EIF2A: variants seen among roughly 807,000 people sequenced by gnomAD.
The protein encoded by EIF2A is 65 kDa eukaryotic translation initiation factor 2A.
Under a neutral mutation model 75.2 loss-of-function variants are expected in EIF2A, and 62 were observed. The observed-to-expected ratio is 0.82, with a 90% confidence interval of 0.67 to 1.02. The LOEUF (loss-of-function observed/expected upper bound fraction) is 1.02, where lower values mean the gene tolerates loss of function less well. Ranked by LOEUF, EIF2A falls within the 50% of genes least tolerant of loss-of-function variation. The pLI, the probability that EIF2A is intolerant of heterozygous loss-of-function variation, is 0.00. For synonymous variants in EIF2A, 207 were observed against 239.0 expected (o/e 0.87, Z 1.23); for missense variants, 611 against 677.7 (o/e 0.90, Z 1.09).
In EIF2A at chr3:150,584,176, A is replaced by G. The variant is rs1018748159; in HGVS notation, c.*265A>G. The G allele has an allele frequency of 1.8e-5, 6 of 325,384 alleles. No individual in the cohort carries two copies. Among genetic ancestry groups the G allele is most frequent in the African/African-American group, 1.3e-4 (6 of 46,648 alleles). The allele number at this position is 325,384 out of a possible 1,614,324, so 20.2% of individuals were successfully genotyped here. ...AGCTAAGCTTGACAGATTGAAAGAC[A>G]AGTGTCATTTTTTTTTGTAGAGGGT... On this transcript the variant is annotated 3_prime_UTR_variant, in exon 14 of 14. Transcript: ENST00000460851.
At chr3:150,564,214 T>C (rs567628711) in intron 5 of EIF2A, 85 bp from the exon 6 acceptor site, 1 of 993,498 alleles carries the variant, frequency 1.0e-6, no homozygotes, top group East Asian at 2.7e-5. Context: ...TGGTAACCAA[T>C]ATCATAAATT....
At chr3:150,580,265 G>A (rs1259779590) in intron 11 of EIF2A, among the ~76,000 whole-genome samples, 1 of 152,140 alleles carries the variant, frequency 6.6e-6, no homozygotes, top group Non-Finnish European at 1.5e-5. Flanking sequence ...ACAATATATA[G>A]TAGTCTCCCT....
intron 12 of EIF2A, 27 bp from the exon 13 acceptor site, chr3:150,583,173 C>A: frequency 1.9e-6 from 3 of 1,604,320 alleles, no homozygotes; most frequent in Non-Finnish European, 1.7e-6. Context: ...TTCTTCCATG[C>A]TCTTGACTCA....
rs774601219 is a variant in EIF2A, at chr3:150,557,191, C to T, written c.99-1197C>T. Among the ~76,000 whole-genome samples, 31 of 151,918 alleles carry T rather than the reference C, an allele frequency of 2.0e-4. 1 individual carries two copies. Among genetic ancestry groups the T allele is most frequent in the South Asian group, 1.0e-3 (5 of 4,810 alleles). On this transcript the variant is annotated intron_variant, in intron 2 of 13. Transcript: ENST00000460851. ...TTATAATTTATATATTACATACTTC[C>T]GTATGTAATGTAAGGACTGACTAAT... is the stretch of plus-strand genomic sequence containing the variant.
chr3:150,564,274 C>CTTTT, intron 5 of EIF2A, 25 bp from the exon 6 acceptor site: 2 of 1,135,658 alleles, frequency 1.8e-6, no homozygotes, highest in South Asian at 1.7e-5. Context: ...ATTTTTTATA[C>CTTTT]TTTTTTTTTT....
chr3:150,573,832 A>T (rs1325861453), intron 10 of EIF2A, among the ~76,000 whole-genome samples: 2 of 152,194 alleles, frequency 1.3e-5, no homozygotes, highest in African/African-American at 2.4e-5. Context: ...CTCACAGAAA[A>T]AAGTTTTTTA....
At chr3:150,573,121 T>C (rs1449266489) in intron 10 of EIF2A, among the ~76,000 whole-genome samples, 1 of 152,202 alleles carries the variant, frequency 6.6e-6, no homozygotes, top group Non-Finnish European at 1.5e-5. Context: ...CTCCAACCCA[T>C]CCTGCTTTCT....
At chr3:150,572,781 G>T (rs539910619) in intron 10 of EIF2A, among the ~76,000 whole-genome samples, 1 of 151,568 alleles carries the variant, frequency 6.6e-6, no homozygotes, top group Non-Finnish European at 1.5e-5. Flanking sequence ...ACTTGAACCC[G>T]GGAGGTGGAG....
At chr3:150,562,487 T>G in intron 3 of EIF2A, 55 bp from the exon 4 acceptor site, 1 of 1,332,464 alleles carries the variant, frequency 7.5e-7, no homozygotes, top group Non-Finnish European at 1.1e-6. Flanking sequence ...TTTTGGTTAG[T>G]GTTGACTACT....
rs948475433 is a variant in EIF2A, at chr3:150,571,243, G to A, written c.812-715G>A. Among the ~76,000 whole-genome samples the A allele has an allele frequency of 8.6e-5, 13 of 151,576 alleles. No homozygotes were observed. In the South Asian group the frequency reaches 1.5e-3, roughly 17 times the overall value. ...CAACCTCTGCCTCCCAGGTTCAAGCGCTTCTCCTGCCTCAGCCTCCTGAGT... is the reference window on the plus strand; with the variant it reads ...CAACCTCTGCCTCCCAGGTTCAAGCACTTCTCCTGCCTCAGCCTCCTGAGT... On this transcript the variant is annotated intron_variant, in intron 9 of 13. Transcript: ENST00000460851.
intron 6 of EIF2A, 160 bp from the exon 7 acceptor site, chr3:150,567,533 C>T: frequency 1.7e-6 from 1 of 574,876 alleles, no homozygotes; most frequent in East Asian, 3.0e-5. Flanking sequence ...CTTGCTCCTA[C>T]CCCATGCTTT....
rs1724301306 is a variant in EIF2A at position 150,568,276 on chromosome 3, T to C, written c.795T>C (p.Ser265=). Residue 265 remains serine, a synonymous_variant, in exon 9 of 14, where the codon AGT becomes AGC. Transcript: ENST00000460851. The stretch of plus-strand genomic sequence containing the variant: ...ACTACATTGCAACAAATGGAGAAAG[T>C]GCTGTAGTGCAATTACGTGAGTATT... ...TLHYIATNGE[S]AVVQLPKNGP... 6.2e-7 allele frequency: 1 copy of C among 1,611,732 alleles called. No individual in the cohort carries two copies. The highest frequency in any genetic ancestry group is 8.5e-7 in the Non-Finnish European group (1 of 1,179,274).
intron 9 of EIF2A, among the ~76,000 whole-genome samples, chr3:150,569,776 C>A (rs180941612): frequency 6.6e-6 from 1 of 151,958 alleles, no homozygotes; most frequent in Non-Finnish European, 1.5e-5. Flanking sequence ...GATCGTGCCA[C>A]CGCACTCCAG....
At chr3:150,564,274 C>CTTT (rs147595145) in intron 5 of EIF2A, 25 bp from the exon 6 acceptor site, 26 of 1,135,416 alleles carry the variant, frequency 2.3e-5, no homozygotes, top group South Asian at 6.8e-5. Flanking sequence ...ATTTTTTATA[C>CTTT]TTTTTTTTTT....
Position 150,572,548 on chromosome 3 carries a change from C to G in EIF2A, c.1383+19C>G, listed in dbSNP as rs758381072. The G allele has an allele frequency of 6.3e-7, 1 of 1,576,820 alleles. No individual in the cohort carries two copies. The highest frequency in any genetic ancestry group is 8.6e-7 in the Non-Finnish European group (1 of 1,163,548). On this transcript the variant is annotated intron_variant, in intron 10 of 13. Transcript: ENST00000460851. ...CAAATTGGTAAGTAAAGTTTTACTA[C>G]TTTTATAGAAAAAAGTTTATTTTGG...
chr3:150,554,786 C>G (rs925375019), intron 2 of EIF2A, among the ~76,000 whole-genome samples: 1 of 152,164 alleles, frequency 6.6e-6, no homozygotes, highest in Non-Finnish European at 1.5e-5. Context: ...AGGCCCAGTT[C>G]TCTAGAACCT....
intron 6 of EIF2A, chr3:150,566,988 C>G (rs1335991878): frequency 6.6e-6 from 1 of 152,176 alleles, no homozygotes; most frequent in African/African-American, 2.4e-5. Flanking sequence ...GCACTGTCAC[C>G]TCACTGTTTC....
In EIF2A at chr3:150,571,946, T is replaced by C; in HGVS notation, c.812-12T>C. On this transcript the variant is annotated splice_polypyrimidine_tract_variant and intron_variant, in intron 9 of 13. Transcript: ENST00000460851. ...CTTTATTGCTAATTTGGGCTTTATA[T>C]TCTTTTTCTAGCAAAAAATGGCCCC... The C allele has an allele frequency of 6.3e-7, 1 of 1,591,258 alleles. No individual in the cohort carries two copies. Among genetic ancestry groups the C allele is most frequent in the South Asian group, 1.1e-5 (1 of 87,212 alleles).
At chr3:150,581,878 C>T in intron 12 of EIF2A, 132 bp downstream of exon 12, 2 of 1,037,240 alleles carry the variant, frequency 1.9e-6, no homozygotes, top group Non-Finnish European at 1.4e-6. Context: ...TGTTTTCTCA[C>T]TATGAAGCAC....
Sources: allele counts gnomAD v4.1 joint callset (sites outside exome capture counted in the v4.1 genomes callset), GRCh38; gene constraint gnomAD v4.1.1; transcripts MANE v1.5; gene names NCBI Gene and HGNC (gene_info 2026-07-23, HGNC 2026-07-21).